The following STARD13 variants were observed in gnomAD, a reference collection of about 807,000 sequenced individuals.
The protein encoded by STARD13 is StAR related lipid transfer domain containing 13, also known as stAR-related lipid transfer protein 13.
In STARD13, 62 loss-of-function variants were observed where a neutral mutation model predicts 106.4. That is an observed-to-expected ratio of 0.58 (90% CI 0.48 to 0.72). The LOEUF is 0.72. Among genes scored for constraint, STARD13 ranks in the 30% least tolerant of loss-of-function variants. The probability of loss-of-function intolerance (pLI) is 0.00; values close to 1 mark genes in which losing one functional copy is unlikely to be tolerated. For missense variants in STARD13, 1,387 were observed against 1,424.0 expected (o/e 0.97, Z 0.42); for synonymous variants, 565 against 553.0 (o/e 1.02, Z -0.31).
the STARD13 span, among the ~76,000 whole-genome samples, chr13:33,617,523 A>G: frequency 1.3e-5 from 2 of 152,330 alleles, no homozygotes; most frequent in East Asian, 3.9e-4. Flanking sequence ...CTGTGCTGCA[A>G]AAGAAAATTA....
chr13:33,464,384 A>G, the STARD13 span, among the ~76,000 whole-genome samples: 2 of 152,204 alleles, frequency 1.3e-5, no homozygotes, highest in African/African-American at 2.4e-5. Context: ...ATTGTAACAC[A>G]TATGTTGCTC....
At chr13:33,453,987 A>G in the STARD13 span, among the ~76,000 whole-genome samples, 1 of 151,810 alleles carries the variant, frequency 6.6e-6, no homozygotes, top group East Asian at 1.9e-4. Flanking sequence ...ACAGTCCTTG[A>G]ATAATGGAAA....
At chr13:33,207,606 T>A (rs183951133) in intron 1 of STARD13, among the ~76,000 whole-genome samples, 16 of 152,264 alleles carry the variant, frequency 1.1e-4, no homozygotes, top group Non-Finnish European at 1.5e-5. Flanking sequence ...GGTCCCCTGA[T>A]TTCGTCCAGC....
the STARD13 span, among the ~76,000 whole-genome samples, chr13:33,399,105 TAAAGAA>T: frequency 6.6e-6 from 1 of 151,970 alleles, no homozygotes; most frequent in African/African-American, 2.4e-5. Flanking sequence ...TATAAATGGA[TAAAGAA>T]AATGTGACAT....
chr13:33,458,796 A>G, the STARD13 span, among the ~76,000 whole-genome samples: 3 of 150,642 alleles, frequency 2.0e-5, no homozygotes, highest in African/African-American at 7.3e-5. Context: ...AGTGAGGAAC[A>G]ATCTGCACAA....
chr13:33,633,429 T>C, the STARD13 span, among the ~76,000 whole-genome samples: 1 of 152,202 alleles, frequency 6.6e-6, no homozygotes. Context: ...TCTAAAGATA[T>C]ACATATATAC....
chr13:33,371,932 A>C, the STARD13 span, among the ~76,000 whole-genome samples: 1 of 152,216 alleles, frequency 6.6e-6, no homozygotes, highest in Non-Finnish European at 1.5e-5. Flanking sequence ...ACTTGAAAGA[A>C]TTGATTGCAT....
At position 33,106,937 on chromosome 13, in the gene STARD13, G is replaced by A. The variant is rs753072749; in HGVS notation, c.3048-3C>T. On this transcript the variant is annotated splice_polypyrimidine_tract_variant and splice_region_variant and intron_variant, in intron 12 of 13. Transcript: ENST00000336934. ...TGGGCAAATCAGTTTTCCAGGTCCT[G>A]TAGCAAAACAATCCGCACATCAGAG... 6.2e-6 allele frequency: 10 copies of A among 1,610,670 alleles called. No homozygotes were observed. The East Asian group carries it at 2.2e-4, about 36-fold the overall frequency.
chr13:33,554,207 C>A, the STARD13 span, among the ~76,000 whole-genome samples: 1 of 152,012 alleles, frequency 6.6e-6, no homozygotes. Flanking sequence ...ATTTTTTTAG[C>A]CTCTTAATTT....
At chr13:33,304,792 T>C (rs968901718) in intron 1 of STARD13, among the ~76,000 whole-genome samples, 5 of 152,230 alleles carry the variant, frequency 3.3e-5, no homozygotes, top group African/African-American at 1.2e-4. Context: ...TTTTCCATCA[T>C]AGTTATTTGT....
the STARD13 span, among the ~76,000 whole-genome samples, chr13:33,432,531 C>T: frequency 1.3e-5 from 2 of 152,084 alleles, no homozygotes; most frequent in African/African-American, 4.8e-5. Flanking sequence ...TTTCCAAAGA[C>T]TGAATTAGTT....
the STARD13 span, among the ~76,000 whole-genome samples, chr13:33,483,586 C>G: frequency 1.3e-5 from 2 of 152,162 alleles, no homozygotes; most frequent in Non-Finnish European, 2.9e-5. Context: ...GGAAACTCAC[C>G]AGATCACTCC....
chr13:33,414,047 A>AAAAAAAAAG, the STARD13 span, among the ~76,000 whole-genome samples: 331 of 143,638 alleles, frequency 2.3e-3, 9 homozygotes, highest in African/African-American at 7.7e-3. Context: ...AAAAAAAAAA[A>AAAAAAAAAG]AAAGAAAAGA....
the STARD13 span, among the ~76,000 whole-genome samples, chr13:33,598,180 A>T: frequency 2.7e-4 from 41 of 152,260 alleles, no homozygotes; most frequent in African/African-American, 9.6e-4. Context: ...TTCTACTCCT[A>T]GAGATTTGGT....
At chr13:33,391,647 A>T in the STARD13 span, among the ~76,000 whole-genome samples, 1 of 152,158 alleles carries the variant, frequency 6.6e-6, no homozygotes, top group Admixed American at 6.5e-5. Flanking sequence ...TTTGGTAAAG[A>T]CACTTAGGAC....
At chr13:33,451,439 C>T in the STARD13 span, among the ~76,000 whole-genome samples, 1 of 151,978 alleles carries the variant, frequency 6.6e-6, no homozygotes, top group Non-Finnish European at 1.5e-5. Context: ...CTAGGTGAAA[C>T]ATAGGGCCCG....
intron 3 of STARD13, among the ~76,000 whole-genome samples, chr13:33,151,706 A>G (rs1276212746): frequency 6.6e-6 from 1 of 152,230 alleles, no homozygotes; most frequent in African/African-American, 2.4e-5. Context: ...GAGCTACTGA[A>G]GGATTTAGAC....
At chr13:33,494,901 C>T in the STARD13 span, among the ~76,000 whole-genome samples, 1 of 152,036 alleles carries the variant, frequency 6.6e-6, no homozygotes, top group East Asian at 1.9e-4. Flanking sequence ...CAGTAGAAAA[C>T]ATAAAAACAA....
At chr13:33,537,574 C>G in the STARD13 span, among the ~76,000 whole-genome samples, 1 of 152,072 alleles carries the variant, frequency 6.6e-6, no homozygotes, top group Non-Finnish European at 1.5e-5. Flanking sequence ...GATCTTTCTA[C>G]AGTACACTCA....
Sources: gnomAD v4.1 joint callset for allele counts (sites outside exome capture counted in the v4.1 genomes callset) on GRCh38, gnomAD v4.1.1 for gene constraint, MANE v1.5 for transcripts, NCBI Gene and HGNC (gene_info 2026-07-23, HGNC 2026-07-21) for gene names.